DLGAP2: variants seen among roughly 807,000 people sequenced by gnomAD.
DLGAP2 encodes DLG associated protein 2, also known as disks large-associated protein 2.
DLGAP2 carries 26 observed loss-of-function variants against 100.3 expected under a neutral mutation model. The ratio of observed to expected loss-of-function variants is 0.26; its 90% CI spans 0.19 to 0.36. The LOEUF (loss-of-function observed/expected upper bound fraction) is 0.36. DLGAP2 is among the 10% of genes least tolerant of loss of function. DLGAP2 has a pLI of 1.00. For synonymous variants in DLGAP2, 886 were observed against 630.1 expected (o/e 1.41, Z -6.08); for missense variants, 1,858 against 1,453.2 (o/e 1.28, Z -4.53).
At chr8:1,151,725 T>C (rs1796700680) in intron 2 of DLGAP2, among the ~76,000 whole-genome samples, 1 of 152,228 alleles carries the variant, frequency 6.6e-6, no homozygotes, top group Admixed American at 6.5e-5. Context: ...GATTGTCAGG[T>C]GGCGTCGTCT....
intron 8 of DLGAP2, among the ~76,000 whole-genome samples, chr8:1,648,692 C>T (rs1358650908): frequency 6.6e-6 from 1 of 152,176 alleles, no homozygotes; most frequent in Non-Finnish European, 1.5e-5. Flanking sequence ...ACCCGCAGGT[C>T]CCCTTCTCTG....
At chr8:1,497,223 C>T (rs541219942) in intron 3 of DLGAP2, among the ~76,000 whole-genome samples, 3 of 152,280 alleles carry the variant, frequency 2.0e-5, no homozygotes, top group South Asian at 2.1e-4. Context: ...GTCAAAGGCA[C>T]GTTTTGTTTT....
intron 2 of DLGAP2, among the ~76,000 whole-genome samples, chr8:973,521 C>T (rs1800077209): frequency 6.6e-6 from 1 of 152,192 alleles, no homozygotes; most frequent in African/African-American, 2.4e-5. Flanking sequence ...CGATGGGCGG[C>T]CGGGCAGAGA....
chr8:1,460,228 C>T (rs1208202898), intron 3 of DLGAP2, among the ~76,000 whole-genome samples: 2 of 152,168 alleles, frequency 1.3e-5, no homozygotes, highest in African/African-American at 2.4e-5. Flanking sequence ...CACTGAAGAC[C>T]ACTTGCTCCA....
intron 4 of DLGAP2, among the ~76,000 whole-genome samples, chr8:1,504,329 G>GGT (rs1232117326): frequency 1.3e-5 from 2 of 152,086 alleles, no homozygotes; most frequent in African/African-American, 4.8e-5. Context: ...TTTTGATACA[G>GGT]GTATACGTTG....
intron 2 of DLGAP2, among the ~76,000 whole-genome samples, chr8:1,059,102 C>T (rs1802973097): frequency 6.6e-6 from 1 of 152,188 alleles, no homozygotes. Context: ...GTTCGCCCAT[C>T]TCTCTGTGTC....
intron 2 of DLGAP2, among the ~76,000 whole-genome samples, chr8:1,199,684 GTC>G (rs912268773): frequency 3.3e-4 from 51 of 152,290 alleles, no homozygotes; most frequent in Non-Finnish European, 6.6e-4. Flanking sequence ...CTGATGGAGA[GTC>G]TTATGGGTAT....
chr8:1,210,416 C>T (rs556951929), intron 2 of DLGAP2, among the ~76,000 whole-genome samples: 1 of 152,276 alleles, frequency 6.6e-6, no homozygotes, highest in East Asian at 1.9e-4. Flanking sequence ...GAGGGCTGAC[C>T]CTGTTAAAGA....
At chr8:1,162,572 A>G (rs959477130) in intron 2 of DLGAP2, among the ~76,000 whole-genome samples, 4 of 152,244 alleles carry the variant, frequency 2.6e-5, no homozygotes, top group Non-Finnish European at 5.9e-5. Flanking sequence ...GTAATAGTCA[A>G]TGACATTCAG....
At chr8:1,523,806 A>G (rs1314729677) in intron 4 of DLGAP2, among the ~76,000 whole-genome samples, 1 of 152,266 alleles carries the variant, frequency 6.6e-6, no homozygotes, top group Non-Finnish European at 1.5e-5. Flanking sequence ...GCCTCCCAGC[A>G]GTTCCTGCAC....
At chr8:1,166,649 G>A (rs1797022304) in intron 2 of DLGAP2, among the ~76,000 whole-genome samples, 1 of 152,086 alleles carries the variant, frequency 6.6e-6, no homozygotes, top group Admixed American at 6.6e-5. Flanking sequence ...TGCCGCATAA[G>A]CATGTCGTCT....
intron 1 of DLGAP2, among the ~76,000 whole-genome samples, chr8:876,795 C>T (rs1585962402): frequency 1.3e-5 from 2 of 152,246 alleles, no homozygotes; most frequent in Non-Finnish European, 2.9e-5. Flanking sequence ...GTGCCCTATG[C>T]TTCTGAGCTC....
At chr8:1,465,067 A>G (rs1003265770) in intron 3 of DLGAP2, among the ~76,000 whole-genome samples, 2 of 152,244 alleles carry the variant, frequency 1.3e-5, no homozygotes, top group Non-Finnish European at 2.9e-5. Context: ...AGGGGTCACC[A>G]GCCAGGGATC....
chr8:1,390,561 C>G, intron 3 of DLGAP2, among the ~76,000 whole-genome samples: 2 of 152,208 alleles, frequency 1.3e-5, no homozygotes, highest in Middle Eastern at 6.8e-3. Context: ...CTCCTGTATG[C>G]TTGCGGGCCT....
intron 3 of DLGAP2, among the ~76,000 whole-genome samples, chr8:1,277,043 T>C (rs1196959315): frequency 6.6e-6 from 1 of 152,210 alleles, no homozygotes; most frequent in Non-Finnish European, 1.5e-5. Context: ...TCATGGAAAT[T>C]TAAGCTGTTT....
At chr8:1,612,848 T>C (rs1797025101) in intron 6 of DLGAP2, among the ~76,000 whole-genome samples, 1 of 99,818 alleles carries the variant, frequency 1.0e-5, no homozygotes, top group Non-Finnish European at 2.0e-5. Context: ...TGAGATATCA[T>C]CTCACACCAG....
At chr8:1,039,992 TGCTCAGTTTCCGTGGTCA>T (rs1341520398) in intron 2 of DLGAP2, among the ~76,000 whole-genome samples, 8 of 73,532 alleles carry the variant, frequency 1.1e-4, no homozygotes, top group African/African-American at 1.6e-4. Flanking sequence ...GTGCATGGTC[TGCTCAGTTTCCGTGGTCA>T]GCTCGGTTTC....
At chr8:1,144,197 C>T (rs779503020) in intron 2 of DLGAP2, among the ~76,000 whole-genome samples, 17 of 152,174 alleles carry the variant, frequency 1.1e-4, no homozygotes, top group South Asian at 2.1e-4. Flanking sequence ...GCGTTTTCAC[C>T]GCCCTGTGCT....
chr8:1,266,932 T>C (rs1799464928), intron 3 of DLGAP2, among the ~76,000 whole-genome samples: 1 of 151,988 alleles, frequency 6.6e-6, no homozygotes, highest in South Asian at 2.1e-4. Context: ...TGTGTAATAG[T>C]TTGTATTAAA....
Sources: gnomAD v4.1 joint callset for allele counts (sites outside exome capture counted in the v4.1 genomes callset) on GRCh38, gnomAD v4.1.1 for gene constraint, MANE v1.5 for transcripts, NCBI Gene and HGNC (gene_info 2026-07-23, HGNC 2026-07-21) for gene names.